The following FLRT2 variants were observed in gnomAD, a reference collection of about 807,000 sequenced individuals.
FLRT2 encodes the protein leucine-rich repeat transmembrane protein FLRT2.
Under a neutral mutation model 40.0 loss-of-function variants are expected in FLRT2, and 15 were observed. The ratio of observed to expected loss-of-function variants is 0.38; its 90% CI spans 0.25 to 0.58. FLRT2 has a LOEUF of 0.58. Among genes scored for constraint, FLRT2 ranks in the 20% least tolerant of loss-of-function variants. The pLI, the probability that FLRT2 is intolerant of heterozygous loss-of-function variation, is 0.71. For missense variants in FLRT2, 726 were observed against 840.0 expected (o/e 0.86, Z 1.68); for synonymous variants, 380 against 336.8 (o/e 1.13, Z -1.41).
chr14:85,560,879 C>T (rs191950782), intron 1 of FLRT2: 1 of 152,114 alleles, frequency 6.6e-6, no homozygotes, highest in African/African-American at 2.4e-5. Flanking sequence ...ATTAGATCTT[C>T]TTGACTAAGA....
intron 1 of FLRT2, among the ~76,000 whole-genome samples, chr14:85,542,546 GTGTATTT>G (rs914192336): frequency 1.3e-5 from 2 of 152,068 alleles, no homozygotes; most frequent in Non-Finnish European, 2.9e-5. Context: ...AGGCACTAGA[GTGTATTT>G]TGTAAGCTGT....
intron 1 of FLRT2, among the ~76,000 whole-genome samples, chr14:85,589,295 A>G (rs1287212290): frequency 1.3e-5 from 2 of 152,060 alleles, no homozygotes; most frequent in Non-Finnish European, 2.9e-5. Context: ...TCTTCTGCAT[A>G]TAAGGTATTT....
intron 1 of FLRT2, among the ~76,000 whole-genome samples, chr14:85,537,322 T>C (rs1347052145): frequency 2.0e-5 from 3 of 152,138 alleles, no homozygotes; most frequent in Non-Finnish European, 4.4e-5. Flanking sequence ...TTTGATCTAG[T>C]GGTATTTGGG....
At chr14:85,558,578 C>G (rs368784292) in intron 1 of FLRT2, among the ~76,000 whole-genome samples, 1 of 152,150 alleles carries the variant, frequency 6.6e-6, no homozygotes, top group Non-Finnish European at 1.5e-5. Context: ...GAGTCTCTTT[C>G]GGTGTTTCTT....
intron 1 of FLRT2, among the ~76,000 whole-genome samples, chr14:85,574,105 G>A (rs1891017182): frequency 1.3e-5 from 2 of 152,150 alleles, no homozygotes; most frequent in South Asian, 4.1e-4. Context: ...GCATACTAGT[G>A]ATAAGGGCAT....
chr14:85,590,772 A>AT (rs1460113539), intron 1 of FLRT2, among the ~76,000 whole-genome samples: 1 of 151,796 alleles, frequency 6.6e-6, no homozygotes, highest in Non-Finnish European at 1.5e-5. Context: ...TAATTTTTGT[A>AT]TTTTTAGTAG....
At chr14:85,541,975 C>G (rs1889008497) in intron 1 of FLRT2, among the ~76,000 whole-genome samples, 1 of 152,138 alleles carries the variant, frequency 6.6e-6, no homozygotes, top group Non-Finnish European at 1.5e-5. Flanking sequence ...TAACAACTTT[C>G]CTCACACAAT....
rs1048809617 is a variant in FLRT2, at chr14:85,652,178, A to G, written c.*28681A>G. ...TGAAGATTCTTTCATAAACATATTA[A>G]AGTCAATTATAATTCTGTTTTTAAT... is the stretch of plus-strand genomic sequence containing the variant. On this transcript the variant is annotated 3_prime_UTR_variant, in exon 2 of 2. Coordinates refer to ENST00000330753, the MANE Select transcript of FLRT2 (RefSeq NM_013231.6). The G allele has an allele frequency of 6.6e-6, 1 of 152,130 alleles. No individual in the cohort carries two copies. Among genetic ancestry groups the G allele is most frequent in the African/African-American group, 2.4e-5 (1 of 41,452 alleles). 9.4% of individuals were successfully genotyped at this position (152,130 alleles called of 1,614,324 possible).
At chr14:85,576,788 G>A (rs540612466) in intron 1 of FLRT2, among the ~76,000 whole-genome samples, 2 of 152,288 alleles carry the variant, frequency 1.3e-5, no homozygotes, top group South Asian at 2.1e-4. Context: ...AAAAGGTATT[G>A]TAGACACACC....
At position 85,622,658 on chromosome 14, in the gene FLRT2, C is replaced by A; in HGVS notation, c.1144C>A (p.Gln382Lys). Residue 382 changes from glutamine to lysine, a missense_variant, in exon 2 of 2, where the codon CAG becomes AAG. Transcript: ENST00000330753. ...CCCAAGTACAGCTTCTCCGACCACTCAGCCTCCCACCCTCTCTATTCCAAA... is the reference window on the plus strand; with the variant it reads ...CCCAAGTACAGCTTCTCCGACCACTAAGCCTCCCACCCTCTCTATTCCAAA... Reference protein sequence around the residue: ...PAPSTASPTTQPPTLSIPNPS... With the variant: ...PAPSTASPTTKPPTLSIPNPS... 6.2e-7 allele frequency: 1 copy of A among 1,614,040 alleles called. No homozygotes were observed. Among genetic ancestry groups the A allele is most frequent in the Non-Finnish European group, 8.5e-7 (1 of 1,180,032 alleles).
chr14:85,650,346 G>C lies in FLRT2; in HGVS notation c.*26849G>C, dbSNP rs1217706463. On this transcript the variant is annotated 3_prime_UTR_variant, in exon 2 of 2. Transcript: ENST00000330753. ...ATACATATATATTTAAAATATATAG[G>C]TATTTTAATTTTACTGTATTATATT... 2 of 151,540 alleles carry C rather than the reference G, an allele frequency of 1.3e-5. No homozygotes were observed. Among genetic ancestry groups the C allele is most frequent in the African/African-American group, 4.8e-5 (2 of 41,276 alleles). The allele number at this position is 151,540 out of a possible 1,614,324, so 9.4% of individuals were successfully genotyped here.
intron 1 of FLRT2, among the ~76,000 whole-genome samples, chr14:85,590,575 G>A (rs1431800856): frequency 6.6e-6 from 1 of 151,894 alleles, no homozygotes; most frequent in African/African-American, 2.4e-5. Flanking sequence ...GATAGAGTAA[G>A]GATATTTATT....
At chr14:85,538,450 A>G (rs1448236463) in intron 1 of FLRT2, among the ~76,000 whole-genome samples, 1 of 152,118 alleles carries the variant, frequency 6.6e-6, no homozygotes, top group Non-Finnish European at 1.5e-5. Flanking sequence ...ATTAGAACTG[A>G]GCAGTTTTTC....
At chr14:85,564,809 G>A (rs1595030992) in intron 1 of FLRT2, among the ~76,000 whole-genome samples, 1 of 152,172 alleles carries the variant, frequency 6.6e-6, no homozygotes, top group Admixed American at 6.6e-5. Flanking sequence ...TCTGGACGAT[G>A]AGAATTGTAA....
chr14:85,570,508 T>C (rs1890838826), intron 1 of FLRT2, among the ~76,000 whole-genome samples: 1 of 151,852 alleles, frequency 6.6e-6, no homozygotes, highest in African/African-American at 2.4e-5. Flanking sequence ...TGCATAGTTT[T>C]ACAGACTTTT....
intron 1 of FLRT2, among the ~76,000 whole-genome samples, chr14:85,574,795 A>T (rs1383223906): frequency 3.3e-5 from 5 of 152,198 alleles, no homozygotes; most frequent in Admixed American, 6.5e-5. Context: ...GGTGTGTAAG[A>T]AATCTAAGAC....
At chr14:85,611,200 C>A (rs1892840761) in intron 1 of FLRT2, among the ~76,000 whole-genome samples, 1 of 152,134 alleles carries the variant, frequency 6.6e-6, no homozygotes, top group African/African-American at 2.4e-5. Flanking sequence ...AACATAGCAC[C>A]TTCCTGACTG....
At chr14:85,555,015 G>A (rs1889868796) in intron 1 of FLRT2, among the ~76,000 whole-genome samples, 1 of 152,150 alleles carries the variant, frequency 6.6e-6, no homozygotes, top group Admixed American at 6.5e-5. Flanking sequence ...CACTTTGATA[G>A]TATAACTTTG....
chr14:85,595,563 A>C (rs1246617242), intron 1 of FLRT2, among the ~76,000 whole-genome samples: 2 of 152,248 alleles, frequency 1.3e-5, no homozygotes, highest in Non-Finnish European at 2.9e-5. Flanking sequence ...GTGTATATGC[A>C]CACAGCTATG....
Sources: allele counts gnomAD v4.1 joint callset (sites outside exome capture counted in the v4.1 genomes callset), GRCh38; gene constraint gnomAD v4.1.1; transcripts MANE v1.5; gene names NCBI Gene and HGNC (gene_info 2026-07-23, HGNC 2026-07-21).